The following ADORA2A variants were observed in gnomAD, a reference collection of about 807,000 sequenced individuals.
ADORA2A encodes adenosine receptor A2a.
ADORA2A carries 11 observed loss-of-function variants against 18.4 expected under a neutral mutation model. The ratio of observed to expected loss-of-function variants is 0.60; its 90% CI spans 0.38 to 0.99. The LOEUF (loss-of-function observed/expected upper bound fraction) is 0.99. Among genes scored for constraint, ADORA2A ranks in the 50% least tolerant of loss-of-function variants. ADORA2A has a pLI of 0.01. For synonymous variants in ADORA2A, 218 were observed against 237.3 expected, an observed-to-expected ratio of 0.92 and a Z score of 0.75; for missense variants, 449 against 556.1, an observed-to-expected ratio of 0.81 and a Z score of 1.94.
rs2043354381 is a variant in ADORA2A at position 24,441,982 on chromosome 22, ATT to A, written c.*496_*497del. 1 of 153,346 alleles carries A rather than the reference ATT, an allele frequency of 6.5e-6. No individual in the cohort carries two copies. The highest frequency in any genetic ancestry group is 2.1e-4 in the South Asian group (1 of 4,852). The allele number at this position is 153,346 out of a possible 1,614,324, so 9.5% of individuals were successfully genotyped here. A position where few individuals can be genotyped will look rare whatever the true frequency, so the allele number is the denominator to read the frequency against. ...ATGTAAGTGTGAGGAAACCCTTTTT[ATT>A]TTATTACCTTTCACTCTCTGGCTGC... On this transcript the variant is annotated 3_prime_UTR_variant, in exon 3 of 3. Coordinates refer to ENST00000337539, the MANE Select transcript of ADORA2A (RefSeq NM_000675.6).
rs540297040 is a variant in ADORA2A at position 24,434,675 on chromosome 22, C to A, written c.332+939C>A. Among the ~76,000 whole-genome samples, 3 of 152,254 alleles carry A rather than the reference C, an allele frequency of 2.0e-5. No individual in the cohort carries two copies. In the South Asian group the frequency reaches 6.2e-4, roughly 32 times the overall value. ...TTGAGAGTCAGGGAGCAGGGTGCAC[C>A]ATCTCTGCGGTGAATTATCTGAAAC... On this transcript the variant is annotated intron_variant, in intron 2 of 2. Coordinates refer to ENST00000337539, the MANE Select transcript of ADORA2A (RefSeq NM_000675.6).
At chr22:24,434,071 T>C (rs1055853923) in intron 2 of ADORA2A, among the ~76,000 whole-genome samples, 13 of 152,352 alleles carry the variant, frequency 8.5e-5, no homozygotes, top group East Asian at 3.9e-4. Flanking sequence ...GTGGTCCCAG[T>C]GACCCACGTG....
rs1443500229 is a variant in ADORA2A at position 24,441,672 on chromosome 22, G to A, written c.*183G>A. Reference sequence around the variant, plus strand: ...CATGAGGCCCAGCAAGAAGGGCTTGGGTTCTGAGGAAGCAGATGTTTCATG... The same window carrying A: ...CATGAGGCCCAGCAAGAAGGGCTTGAGTTCTGAGGAAGCAGATGTTTCATG... On this transcript the variant is annotated 3_prime_UTR_variant, in exon 3 of 3. Transcript: ENST00000337539. 6 of 538,986 alleles carry A rather than the reference G, an allele frequency of 1.1e-5. No individual in the cohort carries two copies. Among genetic ancestry groups the A allele is most frequent in the African/African-American group, 1.9e-5 (1 of 52,248 alleles). The allele number at this position is 538,986 out of a possible 1,614,324, so 33.4% of individuals were successfully genotyped here.
chr22:24,432,043 G>GT (rs1555877140), intron 1 of ADORA2A: 1 of 156,200 alleles, frequency 6.4e-6, no homozygotes, highest in Non-Finnish European at 1.4e-5. Context: ...TCCTGGTTCC[G>GT]TACCTGCTTT....
upstream of ADORA2A, among the ~76,000 whole-genome samples, chr22:24,424,856 C>T (rs371247525): frequency 1.3e-5 from 2 of 151,658 alleles, no homozygotes; most frequent in African/African-American, 4.8e-5. This position sits in a 1 kb window ranked among gnomAD's most constrained non-coding sequence, Gnocchi z 4.9. Context: ...GAGCTGAGGT[C>T]CCTGTGTCCC....
chr22:24,439,072 CTTTTTTTTTTT>C lies in ADORA2A; in HGVS notation c.333-1492_333-1482del, dbSNP rs3032740. On this transcript the variant is annotated intron_variant, in intron 2 of 2. Coordinates refer to ENST00000337539, the MANE Select transcript of ADORA2A (RefSeq NM_000675.6). Reference sequence around the variant, plus strand: ...GTAGAGCACATCCTTCCCCTTGCACCTTTTTTTTTTTTTTTTTTTTTTTTTTTTTGGAGACT... The same window carrying C: ...GTAGAGCACATCCTTCCCCTTGCACCTTTTTTTTTTTTTTTTTTGGAGACT... 8.5e-3 allele frequency among the ~76,000 whole-genome samples: 623 copies of C among 73,084 alleles called. 9 individuals carry two copies. The highest frequency in any genetic ancestry group is 0.013 in the Non-Finnish European group (477 of 37,268). The allele number at this position is 73,084 out of a possible 152,430, so 47.9% of individuals were successfully genotyped here.
intron 1 of ADORA2A, 71 bp from the exon 2 acceptor site, chr22:24,433,060 A>C: frequency 2.6e-6 from 1 of 379,278 alleles, no homozygotes; most frequent in Non-Finnish European, 4.9e-6. Flanking sequence ...AGTGTGGGGT[A>C]AGGGGTGGCA....
At chr22:24,431,763 G>A (rs1052625160) in intron 1 of ADORA2A, 7 of 335,870 alleles carry the variant, frequency 2.1e-5, no homozygotes, top group African/African-American at 1.5e-4. Context: ...TTTGGATCCA[G>A]ACCATTCACA....
Position 24,439,208 on chromosome 22 carries a change from A to AAGTAGCTGGGATTAC in ADORA2A, c.333-1372_333-1358dup, listed in dbSNP as rs1396737477. ...CACACCATTCTCCTGCCTGTCTCCC[A>AAGTAGCTGGGATTAC]AGTAGCTGGGATTACAGGCCCCCGC... On this transcript the variant is annotated intron_variant, in intron 2 of 2. Transcript: ENST00000337539. 4.1e-5 allele frequency: 6 copies of AAGTAGCTGGGATTAC among 147,436 alleles called. No homozygotes were observed. The East Asian group carries it at 1.2e-3, about 30-fold the overall frequency. 9.1% of individuals were successfully genotyped at this position (147,436 alleles called of 1,614,324 possible).
Position 24,433,240 on chromosome 22 carries a change from A to C in ADORA2A, c.-165A>C. 1.5e-6 allele frequency: 1 copy of C among 648,204 alleles called. No individual in the cohort carries two copies. The highest frequency in any genetic ancestry group is 2.7e-5 in the East Asian group (1 of 36,590). The allele number at this position is 648,204 out of a possible 1,614,324, so 40.2% of individuals were successfully genotyped here. On this transcript the variant is annotated 5_prime_UTR_variant, in exon 2 of 3. Coordinates refer to ENST00000337539, the MANE Select transcript of ADORA2A (RefSeq NM_000675.6). ...GTCCTCTGTGAAAAAGCCCTTGGAG[A>C]GCGCCCCAGCAGGGCTGCACTTGGC...
At chr22:24,425,197 C>T (rs1043535121), upstream of ADORA2A, among the ~76,000 whole-genome samples, 5 of 151,780 alleles carry the variant, frequency 3.3e-5, no homozygotes, top group African/African-American at 9.7e-5. Context: ...TGCCCCAGCC[C>T]TGGGGACCAT....
chr22:24,433,271 T>G lies in ADORA2A; in HGVS notation c.-134T>G. On this transcript the variant is annotated 5_prime_UTR_variant, in exon 2 of 3. Transcript: ENST00000337539. Reference sequence around the variant, plus strand: ...CCAGCAGGGCTGCACTTGGCTCCTGTGAGGAAGGGGCTCAGGGGTCTGGGC... The same window carrying G: ...CCAGCAGGGCTGCACTTGGCTCCTGGGAGGAAGGGGCTCAGGGGTCTGGGC... The G allele has an allele frequency of 1.2e-6, 1 of 833,342 alleles. No individual in the cohort carries two copies. The highest frequency in any genetic ancestry group is 1.8e-6 in the Non-Finnish European group (1 of 546,774). The allele number at this position is 833,342 out of a possible 1,614,324, so 51.6% of individuals were successfully genotyped here.
chr22:24,425,337 A>AGCCCCC (rs2042905492), upstream of ADORA2A, among the ~76,000 whole-genome samples: 1 of 82,318 alleles, frequency 1.2e-5, no homozygotes, highest in Non-Finnish European at 2.3e-5. Flanking sequence ...TGTGGGCAGC[A>AGCCCCC]CCCCCCCCCC....
chr22:24,439,068 G>C lies in ADORA2A; in HGVS notation c.333-1515G>C, dbSNP rs1322364852. ...TTAAGTAGAGCACATCCTTCCCCTT[G>C]CACCTTTTTTTTTTTTTTTTTTTTT... On this transcript the variant is annotated intron_variant, in intron 2 of 2. Coordinates refer to ENST00000337539, the MANE Select transcript of ADORA2A (RefSeq NM_000675.6). Among the ~76,000 whole-genome samples the C allele has an allele frequency of 7.6e-5, 6 of 79,238 alleles. No individual in the cohort carries two copies. In the Admixed American group the frequency reaches 8.9e-4, roughly 12 times the overall value. The allele number at this position is 79,238 out of a possible 152,430, so 52.0% of individuals were successfully genotyped here. A position where few individuals can be genotyped will look rare whatever the true frequency, so the allele number is the denominator to read the frequency against.
chr22:24,437,900 T>C (rs542546222), intron 2 of ADORA2A, among the ~76,000 whole-genome samples: 4 of 152,374 alleles, frequency 2.6e-5, no homozygotes, highest in Non-Finnish European at 5.9e-5. Flanking sequence ...TCAATAAACA[T>C]TTAATAAGCC....
At chr22:24,426,592 C>T (rs2042921047), upstream of ADORA2A, among the ~76,000 whole-genome samples, 1 of 152,034 alleles carries the variant, frequency 6.6e-6, no homozygotes, top group African/African-American at 2.4e-5. Flanking sequence ...GAGAGGAGCC[C>T]CCACACAACT....
chr22:24,435,167 C>T (rs1236682923), intron 2 of ADORA2A, among the ~76,000 whole-genome samples: 1 of 152,206 alleles, frequency 6.6e-6, no homozygotes, highest in African/African-American at 2.4e-5. Context: ...CTGGCCAGCC[C>T]TGAGAGGGGT....
intron 2 of ADORA2A, among the ~76,000 whole-genome samples, chr22:24,435,316 G>A (rs1312054326): frequency 1.3e-5 from 2 of 152,236 alleles, no homozygotes; most frequent in Non-Finnish European, 2.9e-5. Flanking sequence ...GTCTGCAGGT[G>A]CCCAGGTGGG....
upstream of ADORA2A, among the ~76,000 whole-genome samples, chr22:24,426,464 T>C (rs994569712): frequency 1.3e-5 from 2 of 152,164 alleles, no homozygotes; most frequent in East Asian, 1.9e-4. Flanking sequence ...GGGAGGGTTC[T>C]AGCTCCCAGA....
Sources: gnomAD v4.1 joint callset for allele counts (sites outside exome capture counted in the v4.1 genomes callset) on GRCh38, gnomAD v4.1.1 for gene constraint, Gnocchi (gnomAD v3.1) non-coding constraint, MANE v1.5 for transcripts, NCBI Gene and HGNC (gene_info 2026-07-23, HGNC 2026-07-21) for gene names.